LIMCH1: variants seen among roughly 807,000 people sequenced by gnomAD.
LIMCH1 encodes the protein LIM and calponin homology domains-containing protein 1.
A neutral mutation model predicts 176.5 loss-of-function variants in LIMCH1; 113 were observed. The ratio of observed to expected loss-of-function variants is 0.64; its 90% CI spans 0.55 to 0.75. The LOEUF (loss-of-function observed/expected upper bound fraction) is 0.75, where lower values mean the gene tolerates loss of function less well. Ranked by LOEUF, LIMCH1 falls within the 30% of genes least tolerant of loss-of-function variation. The pLI is 0.00. For synonymous variants in LIMCH1, 619 were observed against 645.9 expected (o/e 0.96, Z 0.63); for missense variants, 1,674 against 1,814.9 (o/e 0.92, Z 1.41).
chr4:41,558,340 C>T (rs181211033), intron 1 of LIMCH1, among the ~76,000 whole-genome samples: 5 of 152,092 alleles, frequency 3.3e-5, no homozygotes, highest in Non-Finnish European at 4.4e-5. Context: ...CAAAAAGGGG[C>T]GGTGTATAGG....
intron 30 of LIMCH1, among the ~76,000 whole-genome samples, chr4:41,690,296 C>T (rs553195902): frequency 4.6e-5 from 7 of 152,294 alleles, no homozygotes; most frequent in African/African-American, 1.7e-4. Context: ...TCCTCTCTAC[C>T]TAGCAGAGTA....
chr4:41,658,302 G>C (rs1316991883), intron 18 of LIMCH1, among the ~76,000 whole-genome samples: 2 of 152,196 alleles, frequency 1.3e-5, no homozygotes, highest in African/African-American at 4.8e-5. Flanking sequence ...AGTTTCTGCT[G>C]TTGCTACTAT....
intron 8 of LIMCH1, among the ~76,000 whole-genome samples, chr4:41,628,278 T>C (rs2093099928): frequency 6.6e-6 from 1 of 152,108 alleles, no homozygotes; most frequent in Admixed American, 6.5e-5. Flanking sequence ...ATCTCCCTTG[T>C]TTCCTTTCTC....
chr4:41,667,463 AAC>A (rs1297275230), intron 21 of LIMCH1, among the ~76,000 whole-genome samples: 1 of 152,156 alleles, frequency 6.6e-6, no homozygotes, highest in Non-Finnish European at 1.5e-5. Context: ...AAAAATGTTT[AAC>A]ACATACATAC....
At chr4:41,624,316 T>TA (rs1238268448) in intron 7 of LIMCH1, among the ~76,000 whole-genome samples, 11 of 151,802 alleles carry the variant, frequency 7.2e-5, no homozygotes, top group Non-Finnish European at 1.3e-4. Flanking sequence ...TGTGGGGGCG[T>TA]AAAAAAACCT....
intron 1 of LIMCH1, among the ~76,000 whole-genome samples, chr4:41,394,728 A>G (rs1178141278): frequency 6.6e-6 from 1 of 152,150 alleles, no homozygotes; most frequent in Non-Finnish European, 1.5e-5. Context: ...TCATTCTGTA[A>G]TTGGGGAATA....
At chr4:41,671,397 AACAC>A (rs141018823) in intron 21 of LIMCH1, among the ~76,000 whole-genome samples, 153 bp from the exon 22 acceptor site, 7,336 of 137,446 alleles carry the variant, frequency 0.053, 357 homozygotes, top group African/African-American at 0.14. Context: ...TGACTTACCA[AACAC>A]ACACACACAC....
intron 13 of LIMCH1, among the ~76,000 whole-genome samples, chr4:41,635,648 C>T (rs2093549871): frequency 6.6e-6 from 1 of 152,216 alleles, no homozygotes; most frequent in Non-Finnish European, 1.5e-5. Flanking sequence ...AATGAGCCAG[C>T]AAACACTGTC....
intron 1 of LIMCH1, among the ~76,000 whole-genome samples, chr4:41,427,072 A>G (rs564878279): frequency 6.6e-6 from 1 of 152,328 alleles, no homozygotes; most frequent in South Asian, 2.1e-4. Context: ...AGAATGATTG[A>G]TCATTGGCAC....
chr4:41,482,043 G>A (rs2068741477), intron 1 of LIMCH1, among the ~76,000 whole-genome samples: 1 of 152,088 alleles, frequency 6.6e-6, no homozygotes, highest in Admixed American at 6.5e-5. Flanking sequence ...TAGAGATGGG[G>A]TTTCGCCATG....
At chr4:41,443,021 A>G (rs1031232878) in intron 1 of LIMCH1, among the ~76,000 whole-genome samples, 2 of 152,224 alleles carry the variant, frequency 1.3e-5, no homozygotes, top group Non-Finnish European at 2.9e-5. Flanking sequence ...GATTTTTATC[A>G]AAGGAAAGGT....
At chr4:41,662,025 CT>C in intron 19 of LIMCH1, 1 of 277,928 alleles carries the variant, frequency 3.6e-6, no homozygotes, top group Non-Finnish European at 7.1e-6. Context: ...TTTTTGCAGC[CT>C]TATCAATATG....
At chr4:41,589,251 T>C (rs1375013053) in intron 1 of LIMCH1, among the ~76,000 whole-genome samples, 1 of 152,056 alleles carries the variant, frequency 6.6e-6, no homozygotes, top group Non-Finnish European at 1.5e-5. Flanking sequence ...TATGTCCCAG[T>C]TATTGTTGTT....
At chr4:41,525,695 G>T (rs2076571284) in intron 3 of LIMCH1, among the ~76,000 whole-genome samples, 1 of 151,872 alleles carries the variant, frequency 6.6e-6, no homozygotes, top group Non-Finnish European at 1.5e-5. Flanking sequence ...ATATTTGGAA[G>T]GAATATATTT....
At chr4:41,387,174 A>T (rs2056601463) in intron 1 of LIMCH1, among the ~76,000 whole-genome samples, 1 of 152,242 alleles carries the variant, frequency 6.6e-6, no homozygotes, top group South Asian at 2.1e-4. Flanking sequence ...TCTTATTAGA[A>T]ATGATGAAAA....
At chr4:41,547,863 GTATATATA>G (rs573342962) in intron 1 of LIMCH1, among the ~76,000 whole-genome samples, 1,197 of 93,212 alleles carry the variant, frequency 0.013, 28 homozygotes, top group African/African-American at 0.049. Flanking sequence ...TTGTGTGTGT[GTATATATA>G]TATATATATA....
In LIMCH1 at chr4:41,632,875, G is replaced by C; in HGVS notation, c.1720+8G>C. The C allele has an allele frequency of 1.3e-6, 2 of 1,534,772 alleles. No individual in the cohort carries two copies. The highest frequency in any genetic ancestry group is 1.2e-5 in the South Asian group (1 of 84,034). ...CGAGGGGGACAGAGGAAGGTGAGGAGCAGTGTTTCCTGCCTTCCCGGGAGG... is the reference window on the plus strand; with the variant it reads ...CGAGGGGGACAGAGGAAGGTGAGGACCAGTGTTTCCTGCCTTCCCGGGAGG... On this transcript the variant is annotated splice_region_variant and intron_variant, in intron 11 of 31. Coordinates refer to ENST00000503057, the MANE Select transcript of LIMCH1 (RefSeq NM_001330672.2).
intron 3 of LIMCH1, among the ~76,000 whole-genome samples, chr4:41,527,620 T>A (rs1052883600): frequency 1.3e-5 from 2 of 151,832 alleles, no homozygotes; most frequent in Non-Finnish European, 2.9e-5. Context: ...CGGATCACGA[T>A]GTCAGGAGAT....
chr4:41,437,196 G>A (rs1320570871), intron 1 of LIMCH1, among the ~76,000 whole-genome samples: 1 of 152,208 alleles, frequency 6.6e-6, no homozygotes, highest in Non-Finnish European at 1.5e-5. Context: ...CTTTTGTAAG[G>A]AAGGGATACA....
Sources: allele counts gnomAD v4.1 joint callset (sites outside exome capture counted in the v4.1 genomes callset), GRCh38; gene constraint gnomAD v4.1.1; transcripts MANE v1.5; gene names NCBI Gene and HGNC (gene_info 2026-07-23, HGNC 2026-07-21).